MAN1A2: variants seen among roughly 807,000 people sequenced by gnomAD.
MAN1A2 encodes mannosidase alpha class 1A member 2.
MAN1A2 carries 26 observed loss-of-function variants against 75.7 expected under a neutral mutation model. That is an observed-to-expected ratio of 0.34 (90% CI 0.25 to 0.48). The LOEUF (loss-of-function observed/expected upper bound fraction) is 0.48. Among genes scored for constraint, MAN1A2 ranks in the 20% least tolerant of loss-of-function variants. The pLI is 0.99. For synonymous variants in MAN1A2, 247 were observed against 264.6 expected (o/e 0.93, Z 0.65); for missense variants, 562 against 775.5 (o/e 0.72, Z 3.27).
chr1:117,378,691 T>C (rs1364265058), intron 1 of MAN1A2, among the ~76,000 whole-genome samples: 1 of 152,194 alleles, frequency 6.6e-6, no homozygotes, highest in Non-Finnish European at 1.5e-5. Context: ...CAGTTTATAC[T>C]TCCACCTGCA....
Position 117,433,917 on chromosome 1 carries a change from G to C in MAN1A2, c.856-8314G>C, listed in dbSNP as rs185877967. ...TACTACCTGAGTAACAAGAAAGGCC[G>C]TGTTGCTTACTACCTTAGTTGCAGA... On this transcript the variant is annotated intron_variant, in intron 5 of 12. Coordinates refer to ENST00000356554, the MANE Select transcript of MAN1A2 (RefSeq NM_006699.5). Among the ~76,000 whole-genome samples the C allele has an allele frequency of 9.3e-4, 142 of 152,258 alleles. 3 individuals are homozygous for C. The highest frequency in any genetic ancestry group is 4.8e-3 in the East Asian group (25 of 5,182).
chr1:117,465,170 CAG>C (rs1557961794), intron 7 of MAN1A2, among the ~76,000 whole-genome samples: 1 of 151,930 alleles, frequency 6.6e-6, no homozygotes, highest in Non-Finnish European at 1.5e-5. Flanking sequence ...CAAAGAAAAA[CAG>C]TGTTCAAAAT....
chr1:117,485,494 G>A (rs1282736009), intron 8 of MAN1A2, among the ~76,000 whole-genome samples: 3 of 151,926 alleles, frequency 2.0e-5, no homozygotes, highest in Non-Finnish European at 2.9e-5. Flanking sequence ...CAACAAATTT[G>A]CAGAACATAG....
intron 6 of MAN1A2, among the ~76,000 whole-genome samples, chr1:117,449,406 A>C (rs1229618671): frequency 6.6e-6 from 1 of 152,020 alleles, no homozygotes; most frequent in Non-Finnish European, 1.5e-5. Flanking sequence ...AAAAAATACA[A>C]AAATTAGCTG....
At chr1:117,456,414 T>A (rs2101830246) in intron 6 of MAN1A2, among the ~76,000 whole-genome samples, 1 of 152,220 alleles carries the variant, frequency 6.6e-6, no homozygotes, top group East Asian at 1.9e-4. Context: ...TAATTAAAAC[T>A]ATTTAATTTT....
In MAN1A2 at chr1:117,379,956, G is replaced by C. The variant is rs377325444; in HGVS notation, c.302+11471G>C. On this transcript the variant is annotated intron_variant, in intron 1 of 12. Coordinates refer to ENST00000356554, the MANE Select transcript of MAN1A2 (RefSeq NM_006699.5). Reference sequence around the variant, plus strand: ...ATAGTGTTGCTGTGAACATTTGTGCGCCTATATTCGTTTTGAGTACCTGTT... The same window carrying C: ...ATAGTGTTGCTGTGAACATTTGTGCCCCTATATTCGTTTTGAGTACCTGTT... 2.5e-4 allele frequency among the ~76,000 whole-genome samples: 38 copies of C among 152,096 alleles called. 2 individuals are homozygous for C. The highest frequency in any genetic ancestry group is 8.7e-4 in the African/African-American group (36 of 41,520).
chr1:117,479,593 A>T (rs1015647014), intron 8 of MAN1A2, among the ~76,000 whole-genome samples: 8 of 151,938 alleles, frequency 5.3e-5, no homozygotes, highest in African/African-American at 1.9e-4. Context: ...TTTTCTCTGT[A>T]ACCTCACCAG....
In MAN1A2 at chr1:117,523,365, A is replaced by G. The variant is rs563046681; in HGVS notation, c.*408A>G. 9.5e-6 allele frequency: 4 copies of G among 422,040 alleles called. No individual in the cohort carries two copies. Among genetic ancestry groups the G allele is most frequent in the Non-Finnish European group, 1.9e-5 (4 of 206,404 alleles). The allele number at this position is 422,040 out of a possible 1,614,324, so 26.1% of individuals were successfully genotyped here. ...ATGTATTTGTTTCCTCCTACAGTGG[A>G]GCAGCATTCAAATCAAATATTTACA... On this transcript the variant is annotated 3_prime_UTR_variant, in exon 13 of 13. Transcript: ENST00000356554.
chr1:117,398,674 A>G (rs79232399), intron 1 of MAN1A2, among the ~76,000 whole-genome samples: 2 of 94,988 alleles, frequency 2.1e-5, no homozygotes, highest in East Asian at 4.6e-4. Flanking sequence ...ACTCTATTTC[A>G]AAAAAAAAAA....
chr1:117,452,287 A>G (rs987436531), intron 6 of MAN1A2, among the ~76,000 whole-genome samples: 7 of 149,858 alleles, frequency 4.7e-5, no homozygotes, highest in African/African-American at 1.7e-4. Flanking sequence ...AGCCTGGGTG[A>G]CAAGAGCAAG....
chr1:117,441,162 G>C (rs1649017324), intron 5 of MAN1A2, among the ~76,000 whole-genome samples: 1 of 152,108 alleles, frequency 6.6e-6, no homozygotes. Flanking sequence ...GAATGAAGGA[G>C]AGTGCATGAA....
At chr1:117,457,653 T>C (rs148770881) in intron 6 of MAN1A2, among the ~76,000 whole-genome samples, 4 of 152,250 alleles carry the variant, frequency 2.6e-5, no homozygotes, top group Non-Finnish European at 5.9e-5. Flanking sequence ...CTGTTGGACT[T>C]CCTAAGTTTT....
At chr1:117,479,560 A>G (rs888258763) in intron 8 of MAN1A2, among the ~76,000 whole-genome samples, 14 of 151,898 alleles carry the variant, frequency 9.2e-5, no homozygotes, top group African/African-American at 3.4e-4. Flanking sequence ...TTACACTCCC[A>G]CCACCAGTAT....
intron 8 of MAN1A2, among the ~76,000 whole-genome samples, chr1:117,481,300 A>G (rs1160828278): frequency 3.3e-5 from 5 of 150,954 alleles, no homozygotes; most frequent in Non-Finnish European, 5.9e-5. Flanking sequence ...CCTCTTCTTC[A>G]TGTCTTGGTA....
At chr1:117,379,950 T>C (rs1227643731) in intron 1 of MAN1A2, among the ~76,000 whole-genome samples, 1 of 152,144 alleles carries the variant, frequency 6.6e-6, no homozygotes, top group Non-Finnish European at 1.5e-5. Context: ...CTGTGAACAT[T>C]TGTGCGCCTA....
intron 8 of MAN1A2, among the ~76,000 whole-genome samples, chr1:117,483,523 T>C (rs1229035263): frequency 6.6e-6 from 1 of 152,114 alleles, no homozygotes; most frequent in Non-Finnish European, 1.5e-5. Flanking sequence ...AGTTCACTCA[T>C]GATTTGGGTC....
intron 3 of MAN1A2, among the ~76,000 whole-genome samples, chr1:117,407,440 G>C (rs777162880): frequency 1.3e-5 from 2 of 151,772 alleles, no homozygotes; most frequent in Non-Finnish European, 2.9e-5. Flanking sequence ...GTGGTAAGTA[G>C]TTCTCAGTGT....
intron 10 of MAN1A2, among the ~76,000 whole-genome samples, chr1:117,497,360 C>T (rs1651063561): frequency 6.6e-6 from 1 of 151,894 alleles, no homozygotes; most frequent in African/African-American, 2.4e-5. Context: ...CCTTGCCTAT[C>T]CTCTTGTGAT....
chr1:117,400,405 G>A (rs924598854), intron 1 of MAN1A2, among the ~76,000 whole-genome samples: 2 of 145,726 alleles, frequency 1.4e-5, no homozygotes, highest in African/African-American at 5.1e-5. Flanking sequence ...TGGCATACAG[G>A]TTTATGATTT....
Sources: gnomAD v4.1 joint callset for allele counts (sites outside exome capture counted in the v4.1 genomes callset) on GRCh38, gnomAD v4.1.1 for gene constraint, MANE v1.5 for transcripts, NCBI Gene and HGNC (gene_info 2026-07-23, HGNC 2026-07-21) for gene names.